The following DNAH11 variants were observed in gnomAD, a reference collection of about 807,000 sequenced individuals.
DNAH11 encodes the protein axonemal beta dynein heavy chain 11.
A neutral mutation model predicts 526.0 loss-of-function variants in DNAH11; 442 were observed. The ratio of observed to expected loss-of-function variants is 0.84; its 90% CI spans 0.78 to 0.91. The LOEUF (loss-of-function observed/expected upper bound fraction) is 0.91. Ranked by LOEUF, DNAH11 falls within the 40% of genes least tolerant of loss-of-function variation. The pLI, the probability that DNAH11 is intolerant of heterozygous loss-of-function variation, is 0.00. For missense variants in DNAH11, 6,989 were observed against 5,448.7 expected (o/e 1.28, Z -8.90); for synonymous variants, 2,461 against 1,935.9 (o/e 1.27, Z -7.12).
intron 14 of DNAH11, among the ~76,000 whole-genome samples, chr7:21,597,133 G>GCTTGGAAGGGA (rs1784891030): frequency 6.6e-6 from 1 of 151,718 alleles, no homozygotes; most frequent in Admixed American, 6.6e-5. Flanking sequence ...GGAATATTGG[G>GCTTGGAAGGGA]CCTGAGTGAT....
At chr7:21,735,055 A>T (rs1583641895) in intron 45 of DNAH11, among the ~76,000 whole-genome samples, 1 of 151,838 alleles carries the variant, frequency 6.6e-6, no homozygotes, top group South Asian at 2.1e-4. Flanking sequence ...CTGTAGTCCC[A>T]ACTACTCAGG....
chr7:21,559,435 A>G (rs534574432), intron 3 of DNAH11, among the ~76,000 whole-genome samples, 168 bp from the exon 4 acceptor site: 4 of 152,352 alleles, frequency 2.6e-5, no homozygotes, highest in African/African-American at 7.2e-5. Flanking sequence ...TATGTCACTG[A>G]CAGAATAACG....
chr7:21,618,360 C>G, intron 23 of DNAH11: 1 of 152,738 alleles, frequency 6.5e-6, no homozygotes, highest in Non-Finnish European at 1.5e-5. Flanking sequence ...AGGGTGGCAG[C>G]TTCCAAGAAG....
At chr7:21,638,650 T>A (rs1236892375) in intron 27 of DNAH11, among the ~76,000 whole-genome samples, 1 of 151,712 alleles carries the variant, frequency 6.6e-6, no homozygotes, top group Non-Finnish European at 1.5e-5. Context: ...CAATGAATAA[T>A]GTAAACCTAA....
rs766993508 is a variant in DNAH11 at position 21,619,084 on chromosome 7, T to A, written c.4255-16T>A. 1 of 1,613,026 alleles carries A rather than the reference T, an allele frequency of 6.2e-7. No individual in the cohort carries two copies. Among genetic ancestry groups the A allele is most frequent in the African/African-American group, 1.3e-5 (1 of 74,878 alleles). On this transcript the variant is annotated splice_polypyrimidine_tract_variant and intron_variant, in intron 23 of 81. Coordinates refer to ENST00000409508, the MANE Select transcript of DNAH11 (RefSeq NM_001277115.2). ...ATATGTGGAATATAAAGTCTAACTT[T>A]TTTTCCCCCAATCAGGTCAAGTTTT...
intron 40 of DNAH11, among the ~76,000 whole-genome samples, chr7:21,709,495 G>A (rs968944365): frequency 1.3e-5 from 2 of 152,096 alleles, no homozygotes; most frequent in East Asian, 3.8e-4. Flanking sequence ...CCTGGACGAT[G>A]GCACCATTTG....
At chr7:21,807,382 C>T (rs1404733114) in intron 62 of DNAH11, among the ~76,000 whole-genome samples, 1 of 152,142 alleles carries the variant, frequency 6.6e-6, no homozygotes, top group African/African-American at 2.4e-5. Context: ...GCCTATAGTC[C>T]CAGCTACTTG....
chr7:21,699,735 A>T (rs1036515731), intron 36 of DNAH11, among the ~76,000 whole-genome samples: 1 of 148,590 alleles, frequency 6.7e-6, no homozygotes, highest in Admixed American at 6.7e-5. Context: ...CATGGTAACA[A>T]GTCAGAAGAA....
intron 52 of DNAH11, among the ~76,000 whole-genome samples, chr7:21,749,349 G>C (rs1421480259): frequency 2.0e-5 from 3 of 152,124 alleles, no homozygotes; most frequent in East Asian, 3.9e-4. Context: ...AAATGAGCAG[G>C]CTTCTTTTTA....
chr7:21,585,380 C>T (rs1188966058), intron 9 of DNAH11, among the ~76,000 whole-genome samples: 1 of 152,082 alleles, frequency 6.6e-6, no homozygotes, highest in Non-Finnish European at 1.5e-5. Context: ...ATATTGCATC[C>T]ATAGGGATAG....
chr7:21,699,695 C>A (rs1007992671), intron 36 of DNAH11, among the ~76,000 whole-genome samples: 1 of 151,470 alleles, frequency 6.6e-6, no homozygotes, highest in African/African-American at 2.4e-5. Context: ...TTCTTAAAAT[C>A]TTTTTTTAAT....
intron 30 of DNAH11, among the ~76,000 whole-genome samples, chr7:21,672,187 G>A (rs966700668): frequency 1.3e-5 from 2 of 152,190 alleles, no homozygotes; most frequent in African/African-American, 4.8e-5. Flanking sequence ...ATTATGTCTT[G>A]TTAGAAAGGG....
intron 66 of DNAH11, among the ~76,000 whole-genome samples, chr7:21,845,708 T>A (rs929093942): frequency 6.6e-6 from 1 of 152,202 alleles, no homozygotes; most frequent in Non-Finnish European, 1.5e-5. Context: ...CTGGATCTTA[T>A]GATTTTTAAT....
intron 55 of DNAH11, among the ~76,000 whole-genome samples, chr7:21,769,734 C>G (rs371227772): frequency 1.3e-5 from 2 of 152,124 alleles, no homozygotes; most frequent in African/African-American, 4.8e-5. Flanking sequence ...ATCTGCCTGC[C>G]TCTGCCTCCC....
At chr7:21,675,060 C>T (rs1419419830) in intron 30 of DNAH11, among the ~76,000 whole-genome samples, 2 of 151,562 alleles carry the variant, frequency 1.3e-5, no homozygotes, top group East Asian at 2.0e-4. Context: ...TAGCATCCTC[C>T]TCACAGGTCT....
chr7:21,705,834 C>A (rs974761133), intron 39 of DNAH11, among the ~76,000 whole-genome samples: 1 of 152,094 alleles, frequency 6.6e-6, no homozygotes, highest in Non-Finnish European at 1.5e-5. Context: ...GCAGGCATTT[C>A]GATATACACC....
chr7:21,721,421 G>T (rs192943790), intron 44 of DNAH11, among the ~76,000 whole-genome samples: 36 of 152,214 alleles, frequency 2.4e-4, no homozygotes, highest in African/African-American at 7.2e-4. Flanking sequence ...TTATCATAGC[G>T]TCTTAGTAGC....
chr7:21,744,665 A>G lies in DNAH11; in HGVS notation c.8316+66A>G. 6 of 1,582,180 alleles carry G rather than the reference A, an allele frequency of 3.8e-6. No individual in the cohort carries two copies. In the East Asian group the frequency reaches 1.1e-4, roughly 29 times the overall value. The stretch of plus-strand genomic sequence containing the variant: ...CCAACTGGGTATTGGGACTAAAGTT[A>G]GATGAGGGTATGAGAGAAGTGCACA... On this transcript the variant is annotated intron_variant, in intron 50 of 81. Coordinates refer to ENST00000409508, the MANE Select transcript of DNAH11 (RefSeq NM_001277115.2).
At chr7:21,819,051 T>A (rs1333446850) in intron 65 of DNAH11, among the ~76,000 whole-genome samples, 1 of 152,162 alleles carries the variant, frequency 6.6e-6, no homozygotes, top group Non-Finnish European at 1.5e-5. Flanking sequence ...AGCAATTGTG[T>A]CTTCAATCAA....
Sources: allele counts gnomAD v4.1 joint callset (sites outside exome capture counted in the v4.1 genomes callset), GRCh38; gene constraint gnomAD v4.1.1; transcripts MANE v1.5; gene names NCBI Gene and HGNC (gene_info 2026-07-23, HGNC 2026-07-21).